Variants in CD8B observed in about 807,000 individuals in gnomAD.
CD8B encodes the protein T-cell surface glycoprotein CD8 beta chain.
In CD8B, 6 loss-of-function variants were observed where a neutral mutation model predicts 24.2. The observed-to-expected ratio is 0.25, with a 90% confidence interval of 0.14 to 0.49. The LOEUF is 0.49. Among genes scored for constraint, CD8B ranks in the 20% least tolerant of loss-of-function variants. The probability of loss-of-function intolerance (pLI) is 0.98; values close to 1 mark genes in which losing one functional copy is unlikely to be tolerated. For missense variants in CD8B, 196 were observed against 271.3 expected (o/e 0.72, Z 1.95); for synonymous variants, 84 against 108.3 (o/e 0.78, Z 1.39).
At chr2:86,852,402 G>GT (rs1446654548) in intron 3 of CD8B, among the ~76,000 whole-genome samples, 2 of 152,032 alleles carry the variant, frequency 1.3e-5, no homozygotes, top group African/African-American at 4.8e-5. Flanking sequence ...TATTCATGGA[G>GT]TTGTGCAACC....
intron 5 of CD8B, among the ~76,000 whole-genome samples, chr2:86,817,143 A>T (rs190972425): frequency 1.3e-5 from 2 of 152,310 alleles, no homozygotes; most frequent in African/African-American, 4.8e-5. Flanking sequence ...AATGAACAAG[A>T]CCAATAACAT....
At chr2:86,822,380 CA>C in intron 5 of CD8B, 1 of 1,552,760 alleles carries the variant, frequency 6.4e-7, no homozygotes, top group Non-Finnish European at 8.9e-7. Context: ...TTAGTCTTGG[CA>C]CAATAGAGTA....
rs1675447479 is a variant in CD8B at position 86,841,907 on chromosome 2, C to G, written c.*400G>C. 1.2e-4 allele frequency: 120 copies of G among 992,306 alleles called. No individual in the cohort carries two copies. Among genetic ancestry groups the G allele is most frequent in the Non-Finnish European group, 1.4e-4 (120 of 834,616 alleles). The allele number at this position is 992,306 out of a possible 1,614,324, so 61.5% of individuals were successfully genotyped here. ...GACCAAGAGGGAGCCAGCCCAGCAT[C>G]ACCCCATGAAAGACCCAGGACCCAA... On this transcript the variant is annotated 3_prime_UTR_variant, in exon 6 of 6. Transcript: ENST00000390655.
At chr2:86,851,706 T>G (rs1476078467) in intron 3 of CD8B, among the ~76,000 whole-genome samples, 2 of 152,202 alleles carry the variant, frequency 1.3e-5, no homozygotes, top group Non-Finnish European at 2.9e-5. Flanking sequence ...GTTTGTTTTC[T>G]GGGTAGCAGC....
intron 5 of CD8B, among the ~76,000 whole-genome samples, chr2:86,817,375 G>A (rs886175184): frequency 6.6e-6 from 1 of 152,192 alleles, no homozygotes; most frequent in South Asian, 2.1e-4. Flanking sequence ...TTGGAAAATT[G>A]TAATAATAAT....
chr2:86,856,410 T>C (rs538795580), intron 2 of CD8B, among the ~76,000 whole-genome samples: 3 of 152,086 alleles, frequency 2.0e-5, no homozygotes, highest in East Asian at 1.9e-4. Context: ...CCAAAGTCCA[T>C]TTTTCAATAC....
At chr2:86,846,338 C>T (rs538346835) in intron 4 of CD8B, among the ~76,000 whole-genome samples, 9 of 152,246 alleles carry the variant, frequency 5.9e-5, no homozygotes, top group African/African-American at 9.6e-5. Flanking sequence ...TGACACGTGC[C>T]GGGTGCCAGG....
At chr2:86,844,374 G>C (rs901162219) in intron 5 of CD8B, among the ~76,000 whole-genome samples, 12 of 151,570 alleles carry the variant, frequency 7.9e-5, no homozygotes, top group African/African-American at 2.4e-4. Flanking sequence ...CTTCAAATCC[G>C]ATTCCAGTAG....
rs573008204 is a variant in CD8B at position 86,847,532 on chromosome 2, A to G, written c.494-759T>C. ...ATGCCTATGTAATTTTTATATATACATATAGGGTTTGTTCGTTTGTTTGTT... is the reference window on the plus strand; with the variant it reads ...ATGCCTATGTAATTTTTATATATACGTATAGGGTTTGTTCGTTTGTTTGTT... On this transcript the variant is annotated intron_variant, in intron 3 of 5. Coordinates refer to ENST00000390655, the MANE Select transcript of CD8B (RefSeq NM_004931.5). Among the ~76,000 whole-genome samples the G allele has an allele frequency of 1.0e-3, 159 of 152,210 alleles. 1 individual carries two copies. The highest frequency in any genetic ancestry group is 3.7e-3 in the African/African-American group (152 of 41,528).
In CD8B at chr2:86,841,749, G is replaced by T; in HGVS notation, c.*558C>A. On this transcript the variant is annotated 3_prime_UTR_variant, in exon 6 of 6. Coordinates refer to ENST00000390655, the MANE Select transcript of CD8B (RefSeq NM_004931.5). Reference sequence around the variant, plus strand: ...GAAGTGAACTCCTATCCTCAAACCCGCAAGTTCCCGGCCCCAAAGGAAGCC... The same window carrying T: ...GAAGTGAACTCCTATCCTCAAACCCTCAAGTTCCCGGCCCCAAAGGAAGCC... 2.5e-5 allele frequency: 25 copies of T among 985,426 alleles called. No homozygotes were observed. Among genetic ancestry groups the T allele is most frequent in the Non-Finnish European group, 3.0e-5 (25 of 829,968 alleles). 61.0% of individuals were successfully genotyped at this position (985,426 alleles called of 1,614,324 possible). A position where few individuals can be genotyped will look rare whatever the true frequency, so the allele number is the denominator to read the frequency against.
downstream of CD8B, among the ~76,000 whole-genome samples, chr2:86,835,023 C>A (rs1437058549): frequency 1.3e-5 from 2 of 151,940 alleles, no homozygotes; most frequent in African/African-American, 2.4e-5. Flanking sequence ...CACGCACAGG[C>A]GCACTCTGAA....
At chr2:86,856,855 TA>T (rs1676293427) in intron 2 of CD8B, among the ~76,000 whole-genome samples, 1 of 150,546 alleles carries the variant, frequency 6.6e-6, no homozygotes, top group African/African-American at 2.5e-5. Flanking sequence ...AAAATGAATG[TA>T]AAATATTTCA....
chr2:86,827,615 C>T (rs1674743481), intron 5 of CD8B, among the ~76,000 whole-genome samples: 2 of 136,758 alleles, frequency 1.5e-5, no homozygotes, highest in African/African-American at 5.5e-5. Context: ...GAGCAAGACC[C>T]TATCTCAAAA....
intron 3 of CD8B, among the ~76,000 whole-genome samples, chr2:86,851,559 G>A (rs1675976342): frequency 6.6e-6 from 1 of 152,088 alleles, no homozygotes; most frequent in Non-Finnish European, 1.5e-5. Flanking sequence ...TTTTTACTGT[G>A]ACCTCATGTG....
Position 86,858,145 on chromosome 2 carries a change from G to A in CD8B, c.315C>T (p.Ser105=), listed in dbSNP as rs764433373. ...AGATGCCACTGTCTTCCGGCTTCAC[G>A]CTTGTGAGATTGAGAATGAACCGGC... The part of the protein sequence containing the change: ...DASRFILNLT[S]VKPEDSGIYF... Residue 105 remains serine, a synonymous_variant, in exon 2 of 6, where the codon AGC becomes AGT. Transcript: ENST00000390655. 15 of 1,613,992 alleles carry A rather than the reference G, an allele frequency of 9.3e-6. No homozygotes were observed. The highest frequency in any genetic ancestry group is 3.3e-5 in the Admixed American group (2 of 60,016).
rs1427783850 is a variant in CD8B at position 86,840,727 on chromosome 2, C to T, written c.*1580G>A. Among the ~76,000 whole-genome samples, 1 of 152,032 alleles carries T rather than the reference C, an allele frequency of 6.6e-6. No individual in the cohort carries two copies. Among genetic ancestry groups the T allele is most frequent in the Non-Finnish European group, 1.5e-5 (1 of 68,000 alleles). On this transcript the variant is annotated 3_prime_UTR_variant, in exon 6 of 6. Transcript: ENST00000390655. ...ATTACTTTGTATGTTTTGTTCAGTT[C>T]TTTGTTCAAAATGCCAAGGACCTGG...
At position 86,858,105 on chromosome 2, in the gene CD8B, C is replaced by G; in HGVS notation, c.355G>C (p.Val119Leu). The change falls in exon 2 of 6, where the codon GTC (valine) becomes CTC (leucine). Residue 119 changes from valine to leucine, a missense_variant. Val to Leu is a conservative substitution (Grantham distance 32). Transcript: ENST00000390655. ...EDSGIYFCMI[V>L]GSPELTFGKG... ...CCGAAGGTCAGCTCGGGGCTCCCGA[C>G]GATCATGCAGAAGTAGATGCCACTG... 3 of 1,613,954 alleles carry G rather than the reference C, an allele frequency of 1.9e-6. No individual in the cohort carries two copies. Among genetic ancestry groups the G allele is most frequent in the Non-Finnish European group, 2.5e-6 (3 of 1,179,844 alleles).
downstream of CD8B, among the ~76,000 whole-genome samples, chr2:86,833,411 C>T (rs1050526505): frequency 5.3e-5 from 8 of 151,404 alleles, no homozygotes; most frequent in African/African-American, 1.9e-4. Flanking sequence ...AGCTCCTGAC[C>T]TCAGGTGATG....
downstream of CD8B, among the ~76,000 whole-genome samples, chr2:86,836,035 G>C (rs1003766458): frequency 1.3e-5 from 2 of 151,796 alleles, no homozygotes; most frequent in Non-Finnish European, 2.9e-5. Context: ...TGTTGAACTT[G>C]GTTCTCTAAG....
Sources: gnomAD v4.1 joint callset for allele counts (sites outside exome capture counted in the v4.1 genomes callset) on GRCh38, gnomAD v4.1.1 for gene constraint, MANE v1.5 for transcripts, NCBI Gene and HGNC (gene_info 2026-07-23, HGNC 2026-07-21) for gene names.